The following GIPC1 variants were observed in gnomAD, a reference collection of about 807,000 sequenced individuals.
The protein encoded by GIPC1 is PDZ domain-containing protein GIPC1.
A neutral mutation model predicts 28.5 loss-of-function variants in GIPC1; 15 were observed. The ratio of observed to expected loss-of-function variants is 0.53; its 90% CI spans 0.35 to 0.81. The LOEUF (loss-of-function observed/expected upper bound fraction) is 0.81, where lower values mean the gene tolerates loss of function less well. GIPC1 is among the 30% of genes least tolerant of loss of function. The probability of loss-of-function intolerance (pLI) is 0.01; values close to 1 mark genes in which losing one functional copy is unlikely to be tolerated. For missense variants in GIPC1, 439 were observed against 481.9 expected, an observed-to-expected ratio of 0.91 and a Z score of 0.83; for synonymous variants, 224 against 206.1, an observed-to-expected ratio of 1.09 and a Z score of -0.74.
rs1263633068 is a variant in GIPC1 at position 14,479,976 on chromosome 19, A to T, written c.655+329T>A. 1.2e-5 allele frequency: 6 copies of T among 486,278 alleles called. No individual in the cohort carries two copies. In the East Asian group the frequency reaches 1.9e-4, roughly 15 times the overall value. 30.1% of individuals were successfully genotyped at this position (486,278 alleles called of 1,614,324 possible). A position where few individuals can be genotyped will look rare whatever the true frequency, so the allele number is the denominator to read the frequency against. On this transcript the variant is annotated intron_variant, in intron 6 of 8. Transcript: ENST00000393033. The stretch of plus-strand genomic sequence containing the variant: ...CATTCCTGAGAGTTAGTGAAGCCAG[A>T]TGGAAAAGTGGGGGGGCTGGCACTG...
At chr19:14,492,395 T>C (rs915139528) in intron 2 of GIPC1, among the ~76,000 whole-genome samples, 1 of 151,904 alleles carries the variant, frequency 6.6e-6, no homozygotes, top group Non-Finnish European at 1.5e-5. Context: ...CAAGCTCTGC[T>C]TCCCGGGTTC....
chr19:14,480,510 C>T (rs751213553), intron 5 of GIPC1, 25 bp from the exon 6 acceptor site: 4 of 1,606,404 alleles, frequency 2.5e-6, no homozygotes, highest in East Asian at 2.2e-5. Context: ...AGTCATCAGC[C>T]CTTGGGGCTC....
At chr19:14,482,623 C>G in intron 4 of GIPC1, 66 bp downstream of exon 4, 1 of 1,486,022 alleles carries the variant, frequency 6.7e-7, no homozygotes, top group Non-Finnish European at 9.3e-7. Context: ...AGCTCATGAA[C>G]AGGATGCAGG....
intron 3 of GIPC1, among the ~76,000 whole-genome samples, chr19:14,485,702 T>TATATATATATATAGAG (rs1300117748): frequency 2.8e-3 from 165 of 58,622 alleles, no homozygotes; most frequent in African/African-American, 4.0e-3. Flanking sequence ...TATATATATA[T>TATATATATATATAGAG]AGAGAGAGAG....
At position 14,480,656 on chromosome 19, in the gene GIPC1, G is replaced by C. The variant is rs754938219; in HGVS notation, c.411C>G (p.Phe137Leu). 6.2e-7 allele frequency: 1 copy of C among 1,614,186 alleles called. No individual in the cohort carries two copies. Among genetic ancestry groups the C allele is most frequent in the East Asian group, 2.2e-5 (1 of 44,882 alleles). The change falls in exon 5 of 9, where the codon TTC (phenylalanine) becomes TTG (leucine). Residue 137 changes from phenylalanine (F) to leucine (L), a missense_variant. Physicochemically the swap from Phe to Leu is conservative, Grantham distance 22 (BLOSUM62 0). Transcript: ENST00000393033. Reference sequence around the variant, plus strand: ...TGAGCCCGAGTGCATCCTCCGACTTGAACACCTCCACCTCCTTGCGCTGCC... The same window carrying C: ...TGAGCCCGAGTGCATCCTCCGACTTCAACACCTCCACCTCCTTGCGCTGCC... Reference protein sequence around the residue: ...VKGQRKEVEVFKSEDALGLTI... With the variant: ...VKGQRKEVEVLKSEDALGLTI...
In GIPC1 at chr19:14,477,787, A is replaced by C. The variant is rs185169455; in HGVS notation, c.*629T>G. Reference sequence around the variant, plus strand: ...AACAGCAGATAGATTCTTTATGTTCAAGACAGCAAATTCAGATACAAAAAC... The same window carrying C: ...AACAGCAGATAGATTCTTTATGTTCCAGACAGCAAATTCAGATACAAAAAC... On this transcript the variant is annotated 3_prime_UTR_variant, in exon 9 of 9. Transcript: ENST00000393033. The C allele has an allele frequency of 1.3e-5, 2 of 152,698 alleles. No individual in the cohort carries two copies. Among genetic ancestry groups the C allele is most frequent in the Admixed American group, 1.3e-4 (2 of 15,302 alleles). 9.5% of individuals were successfully genotyped at this position (152,698 alleles called of 1,614,324 possible).
rs2146455311 is a variant in GIPC1, at chr19:14,478,141, A to G, written c.*275T>C. ...TGGTGGAGGCGGGGGTGGCCGCCCA[A>G]TTTGGCTGATCCCTCCCCTCCCTGT... On this transcript the variant is annotated 3_prime_UTR_variant, in exon 9 of 9. Transcript: ENST00000393033. This position sits in a 1 kb window ranked among gnomAD's most constrained non-coding sequence, Gnocchi z 5.2. 1 of 413,516 alleles carries G rather than the reference A, an allele frequency of 2.4e-6. No homozygotes were observed. Among genetic ancestry groups the G allele is most frequent in the Non-Finnish European group, 4.4e-6 (1 of 228,518 alleles). 25.6% of individuals were successfully genotyped at this position (413,516 alleles called of 1,614,324 possible). A position where few individuals can be genotyped will look rare whatever the true frequency, so the allele number is the denominator to read the frequency against.
chr19:14,486,674 T>G (rs1003984507), intron 3 of GIPC1, among the ~76,000 whole-genome samples: 1 of 151,808 alleles, frequency 6.6e-6, no homozygotes, highest in African/African-American at 2.4e-5. Context: ...CTACACCACA[T>G]ACATTTTTTT....
chr19:14,481,322 T>C (rs915763412), intron 4 of GIPC1, among the ~76,000 whole-genome samples: 2 of 152,142 alleles, frequency 1.3e-5, no homozygotes, highest in African/African-American at 4.8e-5. Flanking sequence ...TTGCCCAGGC[T>C]GGCCTGGAAC....
chr19:14,480,894 T>G, intron 4 of GIPC1, 116 bp from the exon 5 acceptor site: 2 of 742,082 alleles, frequency 2.7e-6, no homozygotes, highest in Non-Finnish European at 4.5e-6. Context: ...TCCCAGTAAC[T>G]CATCACCCAC....
At chr19:14,487,424 C>T (rs1216675585) in intron 3 of GIPC1, among the ~76,000 whole-genome samples, 1 of 149,136 alleles carries the variant, frequency 6.7e-6, no homozygotes, top group Non-Finnish European at 1.5e-5. Context: ...TTAGTAGAGA[C>T]GGAGTTTCAC....
At chr19:14,493,276 A>G (rs903563721) in intron 1 of GIPC1, among the ~76,000 whole-genome samples, 2 of 152,158 alleles carry the variant, frequency 1.3e-5, no homozygotes, top group Admixed American at 1.3e-4. Context: ...AACGTAAACC[A>G]GATGGCATCA....
chr19:14,483,272 A>C (rs2071771444), intron 3 of GIPC1: 1 of 352,172 alleles, frequency 2.8e-6, no homozygotes, highest in East Asian at 5.6e-5. Context: ...CTTGGCCAAC[A>C]TGGTGAAACC....
At chr19:14,489,112 C>G (rs557048168) in intron 3 of GIPC1, among the ~76,000 whole-genome samples, 6 of 151,944 alleles carry the variant, frequency 3.9e-5, no homozygotes, top group African/African-American at 1.4e-4. Flanking sequence ...TTTGTAGAGA[C>G]GGGTCTCACT....
At chr19:14,482,623 C>A (rs1446959357) in intron 4 of GIPC1, 66 bp downstream of exon 4, 41 of 1,485,902 alleles carry the variant, frequency 2.8e-5, no homozygotes, top group Non-Finnish European at 3.5e-5. Flanking sequence ...AGCTCATGAA[C>A]AGGATGCAGG....
In GIPC1 at chr19:14,480,210, C is replaced by T. The variant is rs933584207; in HGVS notation, c.655+95G>A. 4.6e-6 allele frequency: 5 copies of T among 1,086,086 alleles called. No homozygotes were observed. The African/African-American group carries it at 6.2e-5, about 13-fold the overall frequency. 67.3% of individuals were successfully genotyped at this position (1,086,086 alleles called of 1,614,324 possible). A position where few individuals can be genotyped will look rare whatever the true frequency, so the allele number is the denominator to read the frequency against. On this transcript the variant is annotated intron_variant, in intron 6 of 8. Transcript: ENST00000393033. Reference sequence around the variant, plus strand: ...CTGCAACCCCTTCCCTTTCGGCAGGCCAGGCTTGGGCGCCACCTGCTGGCC... The same window carrying T: ...CTGCAACCCCTTCCCTTTCGGCAGGTCAGGCTTGGGCGCCACCTGCTGGCC...
rs554877728 is a variant in GIPC1, at chr19:14,480,942, C to A, written c.289-164G>T. The A allele has an allele frequency of 5.0e-6, 3 of 602,874 alleles. No individual in the cohort carries two copies. In the East Asian group the frequency reaches 8.4e-5, roughly 17 times the overall value. The allele number at this position is 602,874 out of a possible 1,614,324, so 37.3% of individuals were successfully genotyped here. A position where few individuals can be genotyped will look rare whatever the true frequency, so the allele number is the denominator to read the frequency against. ...AGGGCCACAGCAGGGCCCACATTAGCGTGTCAGCTCTGCTAGGACTAGGAT... is the reference window on the plus strand; with the variant it reads ...AGGGCCACAGCAGGGCCCACATTAGAGTGTCAGCTCTGCTAGGACTAGGAT... On this transcript the variant is annotated intron_variant, in intron 4 of 8. Transcript: ENST00000393033.
intron 1 of GIPC1, among the ~76,000 whole-genome samples, chr19:14,493,762 C>A (rs890824124): frequency 2.6e-5 from 4 of 152,078 alleles, no homozygotes; most frequent in African/African-American, 9.7e-5. Flanking sequence ...CGGGTTCAAG[C>A]GATTCTCTCC....
In GIPC1 at chr19:14,478,212, G is replaced by T; in HGVS notation, c.*204C>A. The T allele has an allele frequency of 1.8e-6, 1 of 557,534 alleles. No homozygotes were observed. The allele number at this position is 557,534 out of a possible 1,614,324, so 34.5% of individuals were successfully genotyped here. ...GTGGGGAACAGGGCACAGGGGGGCC[G>T]GGGACCCCGGCCAGACTGGGAACCA... On this transcript the variant is annotated 3_prime_UTR_variant, in exon 9 of 9. Coordinates refer to ENST00000393033, the MANE Select transcript of GIPC1 (RefSeq NM_005716.4). The surrounding 1 kb of genome is among the most constrained non-coding windows in gnomAD (Gnocchi z 5.2).
Sources: gnomAD v4.1 joint callset for allele counts (sites outside exome capture counted in the v4.1 genomes callset) on GRCh38, gnomAD v4.1.1 for gene constraint, Gnocchi (gnomAD v3.1) non-coding constraint, MANE v1.5 for transcripts, NCBI Gene and HGNC (gene_info 2026-07-23, HGNC 2026-07-21) for gene names.